The following ITGB7 variants were observed in gnomAD, a reference collection of about 807,000 sequenced individuals.
The protein encoded by ITGB7 is integrin beta-7.
A neutral mutation model predicts 83.4 loss-of-function variants in ITGB7; 55 were observed. That is an observed-to-expected ratio of 0.66 (90% CI 0.53 to 0.83). ITGB7 has a LOEUF of 0.83. Among genes scored for constraint, ITGB7 ranks in the 40% least tolerant of loss-of-function variants. The pLI is 0.00. For synonymous variants in ITGB7, 454 were observed against 423.6 expected, an observed-to-expected ratio of 1.07 and a Z score of -0.88; for missense variants, 921 against 1,046.7, an observed-to-expected ratio of 0.88 and a Z score of 1.66.
intron 10 of ITGB7, 43 bp downstream of exon 10, chr12:53,194,155 A>T (rs1189006520): frequency 6.2e-7 from 1 of 1,608,602 alleles, no homozygotes; most frequent in Non-Finnish European, 8.5e-7. Context: ...TCCCACTCCC[A>T]CCTCCCCCTG....
At position 53,192,551 on chromosome 12, in the gene ITGB7, T is replaced by C. The variant is rs1235665637; in HGVS notation, c.1947-13A>G. On this transcript the variant is annotated splice_polypyrimidine_tract_variant and intron_variant, in intron 13 of 15. Coordinates refer to ENST00000267082, the MANE Select transcript of ITGB7 (RefSeq NM_000889.3). Reference sequence around the variant, plus strand: ...CTCTGCACAGTCCCTGTGTAGTAGATGCCAATAGGTTACCAGCTGGGCAGT... The same window carrying C: ...CTCTGCACAGTCCCTGTGTAGTAGACGCCAATAGGTTACCAGCTGGGCAGT... 1 of 1,612,898 alleles carries C rather than the reference T, an allele frequency of 6.2e-7. No individual in the cohort carries two copies. Among genetic ancestry groups the C allele is most frequent in the Admixed American group, 1.7e-5 (1 of 60,022 alleles).
Position 53,192,721 on chromosome 12 carries a change from G to C in ITGB7, c.1916C>G (p.Pro639Arg), listed in dbSNP as rs950671679. The C allele has an allele frequency of 9.9e-6, 16 of 1,614,144 alleles. No homozygotes were observed. Among genetic ancestry groups the C allele is most frequent in the Non-Finnish European group, 1.3e-5 (15 of 1,180,016 alleles). ...GYYGALCDQC[P>R]GCKTPCERHR... The stretch of plus-strand genomic sequence containing the variant: ...TCTCTCGCATGGTGTCTTGCAGCCT[G>C]GGCATTGGTCGCATAGAGCACCATA... The change falls in exon 13 of 16, where the codon CCA (proline) becomes CGA (arginine). Residue 639 changes from proline (P) to arginine (R), a missense_variant. Transcript: ENST00000267082.
chr12:53,192,610 G>A, intron 13 of ITGB7, 72 bp from the exon 14 acceptor site: 1 of 1,597,586 alleles, frequency 6.3e-7, no homozygotes, highest in Non-Finnish European at 8.6e-7. Context: ...ACTACAAGCA[G>A]GACGGAGAGT....
At chr12:53,196,545 C>G in intron 6 of ITGB7, 34 bp downstream of exon 6, 3 of 1,586,298 alleles carry the variant, frequency 1.9e-6, no homozygotes, top group Non-Finnish European at 2.6e-6. Flanking sequence ...CCCAAACAGA[C>G]CTCCAGGCTC....
At chr12:53,196,938 A>G in intron 5 of ITGB7, 118 bp from the exon 6 acceptor site, 1 of 1,197,412 alleles carries the variant, frequency 8.4e-7, no homozygotes, top group Admixed American at 2.6e-5. Flanking sequence ...GGGTGCACCT[A>G]GGGGGCAGGG....
At chr12:53,203,503 C>T (rs573826921) in intron 1 of ITGB7, among the ~76,000 whole-genome samples, 8 of 151,670 alleles carry the variant, frequency 5.3e-5, no homozygotes, top group Non-Finnish European at 1.2e-4. Flanking sequence ...CAAAACTTAA[C>T]TGGGCATGGT....
chr12:53,199,323 C>A (rs1198548538), intron 3 of ITGB7, among the ~76,000 whole-genome samples: 1 of 152,156 alleles, frequency 6.6e-6, no homozygotes, highest in Non-Finnish European at 1.5e-5. Flanking sequence ...TGCTCCCTAG[C>A]ATCCTTCTTG....
In ITGB7 at chr12:53,196,728, A is replaced by G. The variant is rs749838125; in HGVS notation, c.667T>C (p.Cys223Arg). 2 of 1,613,438 alleles carry G rather than the reference A, an allele frequency of 1.2e-6. No individual in the cohort carries two copies. The highest frequency in any genetic ancestry group is 1.7e-6 in the Non-Finnish European group (2 of 1,179,640). The change falls in exon 6 of 16, where the codon TGC becomes CGC. Residue 223 changes from cysteine to arginine, a missense_variant. Coordinates refer to ENST00000267082, the MANE Select transcript of ITGB7 (RefSeq NM_000889.3). Reference protein sequence around the residue: ...RHPCPTRLERCQSPFSFHHVL... With the variant: ...RHPCPTRLERRQSPFSFHHVL... ...TGGTGAAAGCTGAATGGTGACTGGC[A>G]GCGCTCCAGCCGGGTGGGGCAGGGG...
intron 2 of ITGB7, among the ~76,000 whole-genome samples, chr12:53,200,735 C>T (rs754703775): frequency 2.0e-5 from 3 of 152,018 alleles, no homozygotes; most frequent in Non-Finnish European, 2.9e-5. Context: ...TCGAAACCAG[C>T]CTAGTCAACA....
chr12:53,195,349 A>C (rs373914546), intron 9 of ITGB7, 25 bp downstream of exon 9: 90 of 1,393,740 alleles, frequency 6.5e-5, no homozygotes, highest in Non-Finnish European at 8.2e-5. Flanking sequence ...CACCCTCACC[A>C]TCTCCCCTTC....
intron 1 of ITGB7, among the ~76,000 whole-genome samples, chr12:53,202,656 A>C (rs1942347297): frequency 6.6e-6 from 1 of 151,366 alleles, no homozygotes; most frequent in African/African-American, 2.4e-5. Flanking sequence ...TTACATGCCC[A>C]GCTGAAACTC....
rs1295664936 is a variant in ITGB7, at chr12:53,193,167, C to T, written c.1699G>A (p.Glu567Lys). The change falls in exon 12 of 16, where the codon GAG becomes AAG. Residue 567 changes from glutamate (E) to lysine (K), a missense_variant. By Grantham distance (56) the Glu-to-Lys change is moderately conservative. Coordinates refer to ENST00000267082, the MANE Select transcript of ITGB7 (RefSeq NM_000889.3). ...HLCECDDASC[E>K]RHEGILCGGF... ...CCGCAGAGGATGCCCTCATGTCGCTCACAGCTGGCATCGTCACACTCGCAC... is the reference window on the plus strand; with the variant it reads ...CCGCAGAGGATGCCCTCATGTCGCTTACAGCTGGCATCGTCACACTCGCAC... 1 of 1,612,960 alleles carries T rather than the reference C, an allele frequency of 6.2e-7. No homozygotes were observed. The highest frequency in any genetic ancestry group is 2.2e-5 in the East Asian group (1 of 44,834).
intron 1 of ITGB7, among the ~76,000 whole-genome samples, chr12:53,204,314 A>G (rs1942385213): frequency 6.6e-6 from 1 of 151,106 alleles, no homozygotes; most frequent in Non-Finnish European, 1.5e-5. Context: ...CAGGAGGCGG[A>G]GGTTGCAGTG....
rs549926348 is a variant in ITGB7 at position 53,197,420 on chromosome 12, G to A, written c.574+73C>T. The stretch of plus-strand genomic sequence containing the variant: ...GCAAGTTGGGGCCCTTGTGAGTCCA[G>A]GATGTTGGCAGAGGCTAGGGCAGTG... On this transcript the variant is annotated intron_variant, in intron 5 of 15. Transcript: ENST00000267082. The A allele has an allele frequency of 4.5e-6, 7 of 1,562,350 alleles. No homozygotes were observed. The African/African-American group carries it at 8.1e-5, about 18-fold the overall frequency.
chr12:53,206,009 A>C (rs888499446), intron 1 of ITGB7, among the ~76,000 whole-genome samples: 19 of 152,102 alleles, frequency 1.2e-4, no homozygotes, highest in African/African-American at 4.6e-4. Flanking sequence ...CTCATCTCTC[A>C]CAAGTGGAGC....
At chr12:53,204,615 T>A (rs1329280456) in intron 1 of ITGB7, among the ~76,000 whole-genome samples, 2 of 151,870 alleles carry the variant, frequency 1.3e-5, no homozygotes, top group Non-Finnish European at 2.9e-5. Flanking sequence ...CATTTTAGGG[T>A]GATGAATAAG....
intron 3 of ITGB7, 47 bp from the exon 4 acceptor site, chr12:53,197,998 C>G (rs1226780499): frequency 6.8e-7 from 1 of 1,474,610 alleles, no homozygotes; most frequent in South Asian, 1.2e-5. Flanking sequence ...TGCATAGGCC[C>G]TGGGCCCCGC....
rs755135151 is a variant in ITGB7, at chr12:53,191,911, C to T, written c.2264G>A (p.Arg755His). Reference protein sequence around the residue: ...AYRLSVEIYDRREYSRFEKEQ... With the variant: ...AYRLSVEIYDHREYSRFEKEQ... Reference sequence around the variant, plus strand: ...CTTCTCAAAGCGACTGTATTCCCGGCGGTCATAGATTTCCACCGAGAGCCG... The same window carrying T: ...CTTCTCAAAGCGACTGTATTCCCGGTGGTCATAGATTTCCACCGAGAGCCG... The change falls in exon 15 of 16, where the codon CGC becomes CAC. Residue 755 changes from arginine (R) to histidine (H), a missense_variant. Physicochemically the swap from Arg to His is conservative, Grantham distance 29. Coordinates refer to ENST00000267082, the MANE Select transcript of ITGB7 (RefSeq NM_000889.3). 13 of 1,610,782 alleles carry T rather than the reference C, an allele frequency of 8.1e-6. No homozygotes were observed. In the East Asian group the frequency reaches 8.9e-5, roughly 11 times the overall value.
chr12:53,195,237 A>C, intron 9 of ITGB7, 137 bp downstream of exon 9: 1 of 657,580 alleles, frequency 1.5e-6, no homozygotes, highest in East Asian at 2.7e-5. Context: ...AGCCACATGC[A>C]GACTATAGGT....
Sources: gnomAD v4.1 joint callset for allele counts (sites outside exome capture counted in the v4.1 genomes callset) on GRCh38, gnomAD v4.1.1 for gene constraint, MANE v1.5 for transcripts, NCBI Gene and HGNC (gene_info 2026-07-23, HGNC 2026-07-21) for gene names.